The following SAMM50 variants were observed in gnomAD, a reference collection of about 807,000 sequenced individuals.
The protein encoded by SAMM50 is SAMM50 sorting and assembly machinery component.
In SAMM50, 47 loss-of-function variants were observed where a neutral mutation model predicts 66.9. The observed-to-expected ratio is 0.70, with a 90% CI of 0.56 to 0.90. The LOEUF (loss-of-function observed/expected upper bound fraction) is 0.90, where lower values mean the gene tolerates loss of function less well. SAMM50 is among the 40% of genes least tolerant of loss of function. The pLI, the probability that SAMM50 is intolerant of heterozygous loss-of-function variation, is 0.00. For synonymous variants in SAMM50, 191 were observed against 214.1 expected (o/e 0.89, Z 0.94); for missense variants, 535 against 595.3 (o/e 0.90, Z 1.05).
rs369226422 is a variant in SAMM50 at position 43,981,414 on chromosome 22, C to A, written c.960C>A (p.Gly320=). 1 of 1,613,450 alleles carries A rather than the reference C, an allele frequency of 6.2e-7. No homozygotes were observed. Among genetic ancestry groups the A allele is most frequent in the East Asian group, 2.2e-5 (1 of 44,884 alleles). ...AGGTTTTTTCAGCGTCTTTCTGGGG[C>A]GGAATGTTGGTACCCATTGGTGATA... is the stretch of plus-strand genomic sequence containing the variant. ...FDSVFSASFW[G]GMLVPIGDKP... is the part of the protein sequence containing the mutation. Residue 320 remains glycine (G), a synonymous_variant, in exon 11 of 15, where the codon GGC becomes GGA. Coordinates refer to ENST00000350028, the MANE Select transcript of SAMM50 (RefSeq NM_015380.5).
At chr22:43,958,915 A>G (rs991436273) in intron 1 of SAMM50, among the ~76,000 whole-genome samples, 2 of 152,208 alleles carry the variant, frequency 1.3e-5, no homozygotes, top group African/African-American at 4.8e-5. Flanking sequence ...TCAAACAGTA[A>G]GAAAACATTT....
rs997427761 is a variant in SAMM50 at position 43,983,115 on chromosome 22, C to T, written c.1008-818C>T. Among the ~76,000 whole-genome samples the T allele has an allele frequency of 1.3e-5, 2 of 152,246 alleles. No individual in the cohort carries two copies. The highest frequency in any genetic ancestry group is 4.8e-5 in the African/African-American group (2 of 41,544). On this transcript the variant is annotated intron_variant, in intron 11 of 14. Coordinates refer to ENST00000350028, the MANE Select transcript of SAMM50 (RefSeq NM_015380.5). The surrounding 1 kb of genome is among the most constrained non-coding windows in gnomAD (Gnocchi z 4.2). The stretch of plus-strand genomic sequence containing the variant: ...ATTTGGTAGGAAAACCAGAAAAAGC[C>T]GCGCCCTGTTCCCTTTGTGCTGTTG...
At chr22:43,957,982 T>A (rs2050128614) in intron 1 of SAMM50, among the ~76,000 whole-genome samples, 1 of 151,908 alleles carries the variant, frequency 6.6e-6, no homozygotes. Context: ...CTCGATCTCC[T>A]GACCTTGTGA....
chr22:43,963,278 C>G lies in SAMM50; in HGVS notation c.22-8C>G. ...GTCATTTATCTGTGGTCGCTCCCTC[C>G]CTTTCAGAGTTTGGAGCCTCTTCCA... On this transcript the variant is annotated splice_polypyrimidine_tract_variant and splice_region_variant and intron_variant, in intron 1 of 14. Transcript: ENST00000350028. The G allele has an allele frequency of 6.4e-7, 1 of 1,572,880 alleles. No homozygotes were observed. Among genetic ancestry groups the G allele is most frequent in the East Asian group, 2.3e-5 (1 of 44,350 alleles).
intron 13 of SAMM50, among the ~76,000 whole-genome samples, chr22:43,989,937 GGCATGGAAGTCTCCAA>G (rs1318780494): frequency 6.6e-6 from 1 of 152,168 alleles, no homozygotes; most frequent in Non-Finnish European, 1.5e-5. Flanking sequence ...CTTCCTAGAA[GGCATGGAAGTCTCCAA>G]GCTGAGACTC....
chr22:43,971,202 C>G (rs1384398512), intron 4 of SAMM50, among the ~76,000 whole-genome samples: 1 of 152,168 alleles, frequency 6.6e-6, no homozygotes, highest in Non-Finnish European at 1.5e-5. Flanking sequence ...AGGCTCCACC[C>G]TAGAACTGTT....
chr22:43,967,538 C>T (rs914895471), intron 3 of SAMM50, among the ~76,000 whole-genome samples: 2 of 152,192 alleles, frequency 1.3e-5, no homozygotes, highest in Admixed American at 1.3e-4. Flanking sequence ...AGGGTCTGTC[C>T]TCCCCTCCAA....
rs1265787207 is a variant in SAMM50, at chr22:43,977,908, A to C, written c.886A>C (p.Ile296Leu). ...CTACACTGGCGGGGATGTGAGCTTC[A>C]TCAAAGAAGATTTTGAACTTCAGTT... ...AGYTGGDVSF[I>L]KEDFELQLNK... Residue 296 changes from isoleucine to leucine, a missense_variant, in exon 10 of 15, where the codon ATC becomes CTC. Ile to Leu is a conservative substitution (Grantham distance 5). Coordinates refer to ENST00000350028, the MANE Select transcript of SAMM50 (RefSeq NM_015380.5). The C allele has an allele frequency of 8.7e-6, 14 of 1,613,012 alleles. No homozygotes were observed. The highest frequency in any genetic ancestry group is 1.2e-5 in the Non-Finnish European group (14 of 1,179,548).
intron 14 of SAMM50, among the ~76,000 whole-genome samples, chr22:43,994,776 G>A (rs1482487548): frequency 6.6e-6 from 1 of 152,188 alleles, no homozygotes; most frequent in East Asian, 1.9e-4. Flanking sequence ...ACTTCGCAGC[G>A]CTGCTTTGAA....
Position 43,972,932 on chromosome 22 carries a change from C to A in SAMM50, c.491C>A (p.Ser164Tyr), listed in dbSNP as rs1170799043. 1 of 1,602,108 alleles carries A rather than the reference C, an allele frequency of 6.2e-7. No individual in the cohort carries two copies. The highest frequency in any genetic ancestry group is 8.5e-7 in the Non-Finnish European group (1 of 1,177,566). ...GRAEKVTFQF[S>Y]YGTKETSYGL... ...GCAGAAAAGGTGACCTTTCAGTTTT[C>A]CTATGGAACAAAAGAAACTTCGTAT... is the stretch of plus-strand genomic sequence containing the variant. Residue 164 changes from serine to tyrosine, a missense_variant, in exon 6 of 15, where the codon TCC becomes TAC. Physicochemically the swap from Ser to Tyr is moderately radical, Grantham distance 144 (BLOSUM62 -2). Transcript: ENST00000350028.
intron 1 of SAMM50, chr22:43,957,350 C>A: frequency 7.4e-6 from 4 of 539,962 alleles, no homozygotes; most frequent in Non-Finnish European, 1.3e-5. Flanking sequence ...AGGATTTAAA[C>A]TAATGAAAAG....
intron 3 of SAMM50, among the ~76,000 whole-genome samples, chr22:43,966,415 T>C (rs2050173700): frequency 6.6e-6 from 1 of 151,988 alleles, no homozygotes; most frequent in Non-Finnish European, 1.5e-5. Flanking sequence ...TGGAGTGCAA[T>C]GGCGCGATCT....
At chr22:43,982,571 G>A (rs1206996509) in intron 11 of SAMM50, among the ~76,000 whole-genome samples, 1 of 152,176 alleles carries the variant, frequency 6.6e-6, no homozygotes, top group South Asian at 2.1e-4. Context: ...CATTTCACTC[G>A]TTATGTTATA....
In SAMM50 at chr22:43,983,729, G is replaced by T. The variant is rs964107487; in HGVS notation, c.1008-204G>T. Among the ~76,000 whole-genome samples the T allele has an allele frequency of 7.2e-5, 11 of 152,162 alleles. No individual in the cohort carries two copies. The highest frequency in any genetic ancestry group is 1.3e-4 in the Admixed American group (2 of 15,268). On this transcript the variant is annotated intron_variant, in intron 11 of 14. Transcript: ENST00000350028. The surrounding 1 kb of genome is among the most constrained non-coding windows in gnomAD (Gnocchi z 4.2). ...CTCACCTGCATCTCCAAAGTTTGCA[G>T]TGTCTCCTTAGATGTTGAGATTTTT...
chr22:43,989,016 C>A, intron 12 of SAMM50, 95 bp from the exon 13 acceptor site: 2 of 1,289,662 alleles, frequency 1.6e-6, no homozygotes, highest in Non-Finnish European at 2.2e-6. Flanking sequence ...GCGTTGTTTA[C>A]AGGACAGAAA....
In SAMM50 at chr22:43,957,119, A is replaced by G. The variant is rs996814195; in HGVS notation, c.21+1521A>G. ...AGCACACAGCTCTTCTTAAAATTGA[A>G]GGTGTTTATGCCCGAGATGAAACAG... On this transcript the variant is annotated intron_variant, in intron 1 of 14. Coordinates refer to ENST00000350028, the MANE Select transcript of SAMM50 (RefSeq NM_015380.5). 17 of 836,752 alleles carry G rather than the reference A, an allele frequency of 2.0e-5. No homozygotes were observed. In the African/African-American group the frequency reaches 2.5e-4, roughly 12 times the overall value. The allele number at this position is 836,752 out of a possible 1,614,324, so 51.8% of individuals were successfully genotyped here. A position where few individuals can be genotyped will look rare whatever the true frequency, so the allele number is the denominator to read the frequency against.
chr22:43,961,997 TGTCTGTGTGTGTGTGTG>T (rs1224407975), intron 1 of SAMM50, among the ~76,000 whole-genome samples: 1 of 152,166 alleles, frequency 6.6e-6, no homozygotes, highest in African/African-American at 2.4e-5. Flanking sequence ...TGTGTGTGTG[TGTCTGTGTGTGTGTGTG>T]TATGTGATAT....
intron 3 of SAMM50, among the ~76,000 whole-genome samples, chr22:43,968,244 A>G (rs1461702235): frequency 5.4e-5 from 8 of 147,006 alleles, no homozygotes; most frequent in African/African-American, 1.8e-4. Context: ...AAAAAAAAAA[A>G]AAAGAAAAAA....
intron 1 of SAMM50, chr22:43,957,353 A>C: frequency 1.9e-6 from 1 of 537,168 alleles, no homozygotes; most frequent in Non-Finnish European, 3.4e-6. Flanking sequence ...ATTTAAACTA[A>C]TGAAAAGTCA....
Sources: allele counts gnomAD v4.1 joint callset (sites outside exome capture counted in the v4.1 genomes callset), GRCh38; gene constraint gnomAD v4.1.1; non-coding constraint Gnocchi (gnomAD v3.1); transcripts MANE v1.5; gene names NCBI Gene and HGNC (gene_info 2026-07-23, HGNC 2026-07-21).